The following PDIA6 variants were observed in gnomAD, a reference collection of about 807,000 sequenced individuals.
PDIA6 encodes protein disulfide-isomerase A6.
PDIA6 carries 29 observed loss-of-function variants against 58.4 expected under a neutral mutation model. The ratio of observed to expected loss-of-function variants is 0.50; its 90% CI spans 0.37 to 0.68. PDIA6 has a LOEUF of 0.68. Among genes scored for constraint, PDIA6 ranks in the 30% least tolerant of loss-of-function variants. The probability of loss-of-function intolerance (pLI) is 0.00; values close to 1 mark genes in which losing one functional copy is unlikely to be tolerated. For missense variants in PDIA6, 480 were observed against 551.0 expected (o/e 0.87, Z 1.29); for synonymous variants, 192 against 202.6 (o/e 0.95, Z 0.44).
intron 6 of PDIA6, 43 bp from the exon 7 acceptor site, chr2:10,790,876 G>A: frequency 2.2e-6 from 3 of 1,387,870 alleles, no homozygotes; most frequent in Non-Finnish European, 3.1e-6. Flanking sequence ...TTGAGACACA[G>A]TCTCTCTCTG....
At chr2:10,797,913 G>C (rs1291589128) in intron 2 of PDIA6, among the ~76,000 whole-genome samples, 156 bp from the exon 3 acceptor site, 2 of 152,172 alleles carry the variant, frequency 1.3e-5, no homozygotes, top group African/African-American at 4.8e-5. Flanking sequence ...GGCCGGGCAC[G>C]GTGTCTCACG....
chr2:10,818,115 T>A (rs777675239), intron 2 of PDIA6, among the ~76,000 whole-genome samples: 20 of 152,142 alleles, frequency 1.3e-4, no homozygotes, highest in Non-Finnish European at 2.4e-4. Flanking sequence ...TGAAGCCTTT[T>A]AAAAATACTG....
At chr2:10,819,902 C>T (rs1007697208) in intron 1 of PDIA6, among the ~76,000 whole-genome samples, 6 of 152,178 alleles carry the variant, frequency 3.9e-5, no homozygotes, top group African/African-American at 7.2e-5. Flanking sequence ...TGCAGTGATC[C>T]GAGAAGCCCG....
At position 10,786,183 on chromosome 2, in the gene PDIA6, C is replaced by T. The variant is rs553049620; in HGVS notation, c.1157+1098G>A. ...ACTAAAAATACAAAAATTAGCTGGGCGTGGTGGCAGGCGCCTGTAATCCCA... is the reference window on the plus strand; with the variant it reads ...ACTAAAAATACAAAAATTAGCTGGGTGTGGTGGCAGGCGCCTGTAATCCCA... On this transcript the variant is annotated intron_variant, in intron 11 of 12. Transcript: ENST00000272227. 1.3e-3 allele frequency among the ~76,000 whole-genome samples: 194 copies of T among 152,156 alleles called. 1 individual carries two copies. The South Asian group carries it at 0.013, about 11-fold the overall frequency.
intron 1 of PDIA6, among the ~76,000 whole-genome samples, chr2:10,808,698 G>A (rs894116704): frequency 6.6e-6 from 1 of 152,206 alleles, no homozygotes; most frequent in Non-Finnish European, 1.5e-5. Context: ...CCAAAGCGGG[G>A]CTGCTCTCTC....
chr2:10,835,348 C>A (rs1558469015), upstream of PDIA6, among the ~76,000 whole-genome samples: 1 of 152,118 alleles, frequency 6.6e-6, no homozygotes, highest in Non-Finnish European at 1.5e-5. Flanking sequence ...CTCCGGAGCC[C>A]GCCTTCTTGA....
intron 1 of PDIA6, among the ~76,000 whole-genome samples, chr2:10,826,421 G>A (rs928566530): frequency 1.2e-4 from 18 of 151,810 alleles, no homozygotes; most frequent in African/African-American, 2.9e-4. Context: ...GTGCAATGGC[G>A]CAGTCTTGGC....
intron 1 of PDIA6, among the ~76,000 whole-genome samples, chr2:10,828,994 C>T (rs1667632469): frequency 6.6e-6 from 1 of 152,194 alleles, no homozygotes; most frequent in African/African-American, 2.4e-5. Flanking sequence ...TGTTATCCCC[C>T]ACCCCGTCTT....
upstream of PDIA6, among the ~76,000 whole-genome samples, chr2:10,814,931 T>A (rs1667146862): frequency 6.6e-6 from 1 of 152,234 alleles, no homozygotes. Context: ...CTGTCCCAGT[T>A]GGCCTCAGGG....
chr2:10,816,077 CTTTT>C (rs57404091), upstream of PDIA6, among the ~76,000 whole-genome samples: 69 of 96,462 alleles, frequency 7.2e-4, no homozygotes, highest in Non-Finnish European at 1.1e-3. Context: ...AATCATTTGT[CTTTT>C]TTTTTTTTTT....
chr2:10,785,054 C>G, intron 11 of PDIA6, 24 bp from the exon 12 acceptor site: 4 of 1,443,380 alleles, frequency 2.8e-6, no homozygotes, highest in African/African-American at 1.4e-5. Context: ...GACCAAAACA[C>G]ACACACACAT....
chr2:10,795,409 GA>G (rs997836453), intron 4 of PDIA6, among the ~76,000 whole-genome samples: 5 of 151,720 alleles, frequency 3.3e-5, no homozygotes, highest in African/African-American at 4.8e-5. Flanking sequence ...TTACTCAGGG[GA>G]AAAAAAAGTC....
At position 10,793,157 on chromosome 2, in the gene PDIA6, A is replaced by AGTG. The variant is rs1371177269; in HGVS notation, c.391_392insCAC (p.Ala130_Leu131insPro). The AGTG allele has an allele frequency of 6.2e-7, 1 of 1,614,130 alleles. No homozygotes were observed. The highest frequency in any genetic ancestry group is 1.3e-5 in the African/African-American group (1 of 75,056). ...GAGGCGATCCTTCACGAGCTGGCGC[A>AGTG]GAGCACTCAGCGCAGCATCTACAAT... On this transcript the variant is annotated inframe_insertion, in exon 5 of 13. Coordinates refer to ENST00000272227, the MANE Select transcript of PDIA6 (RefSeq NM_005742.4).
rs778245173 is a variant in PDIA6 at position 10,788,977 on chromosome 2, A to C, written c.845T>G (p.Ile282Ser). The C allele has an allele frequency of 3.7e-6, 6 of 1,613,472 alleles. No homozygotes were observed. In the East Asian group the frequency reaches 1.3e-4, roughly 36 times the overall value. The change falls in exon 9 of 13, where the codon ATC becomes AGC. Residue 282 changes from isoleucine (I) to serine (S), a missense_variant. Physicochemically the swap from Ile to Ser is moderately radical, Grantham distance 142. Transcript: ENST00000272227. ...NAPPPELLEI[I>S]NEDIAKRTCE... ...CGTCCTCTTGGCAATGTCCTCGTTGATAATCTGTGGGACCCAAAAGACAAG... is the reference window on the plus strand; with the variant it reads ...CGTCCTCTTGGCAATGTCCTCGTTGCTAATCTGTGGGACCCAAAAGACAAG...
At chr2:10,804,172 T>G (rs1398848338) in intron 1 of PDIA6, among the ~76,000 whole-genome samples, 2 of 151,998 alleles carry the variant, frequency 1.3e-5, no homozygotes, top group Non-Finnish European at 2.9e-5. Flanking sequence ...CCTCCCAAAG[T>G]GCTGGGATTA....
intron 1 of PDIA6, among the ~76,000 whole-genome samples, chr2:10,828,064 G>A (rs974617774): frequency 1.3e-5 from 2 of 151,630 alleles, no homozygotes; most frequent in African/African-American, 2.4e-5. Flanking sequence ...ATCCCACACC[G>A]CAGCAGCCCG....
chr2:10,797,906 C>T (rs1666338533), intron 2 of PDIA6, 149 bp from the exon 3 acceptor site: 8 of 629,388 alleles, frequency 1.3e-5, no homozygotes, highest in Middle Eastern at 4.2e-4. Context: ...GGATCAAGGC[C>T]GGGCACGGTG....
At chr2:10,832,398 C>G in exon 1 of PDIA6, 4 of 985,280 alleles carry the variant, frequency 4.1e-6, no homozygotes, top group Non-Finnish European at 4.8e-6. Flanking sequence ...CCATCTACGC[C>G]TCACAAACAC....
At chr2:10,812,803 T>G (rs1053571774), upstream of PDIA6, 107 of 1,207,010 alleles carry the variant, frequency 8.9e-5, no homozygotes, top group Non-Finnish European at 1.0e-4. Flanking sequence ...GCCAGTCCGG[T>G]GGTCCGAGGG....
Sources: gnomAD v4.1 joint callset for allele counts (sites outside exome capture counted in the v4.1 genomes callset) on GRCh38, gnomAD v4.1.1 for gene constraint, MANE v1.5 for transcripts, NCBI Gene and HGNC (gene_info 2026-07-23, HGNC 2026-07-21) for gene names.